NKAIN2: variants seen among roughly 807,000 people sequenced by gnomAD.
NKAIN2 encodes the protein sodium/potassium transporting ATPase interacting 2.
NKAIN2 carries 14 observed loss-of-function variants against 32.6 expected under a neutral mutation model. That is an observed-to-expected ratio of 0.43 (90% CI 0.28 to 0.67). The LOEUF is 0.67. Ranked by LOEUF, NKAIN2 falls within the 30% of genes least tolerant of loss-of-function variation. The pLI is 0.17. For synonymous variants in NKAIN2, 80 were observed against 87.2 expected, an observed-to-expected ratio of 0.92 and a Z score of 0.46; for missense variants, 198 against 258.3, an observed-to-expected ratio of 0.77 and a Z score of 1.60.
At chr6:124,571,733 G>A (rs969616278) in intron 3 of NKAIN2, among the ~76,000 whole-genome samples, 5 of 152,006 alleles carry the variant, frequency 3.3e-5, no homozygotes, top group African/African-American at 1.2e-4. Context: ...TTTTAGCCAC[G>A]CCTCTCCAGC....
At chr6:124,398,631 G>A (rs576008311) in intron 3 of NKAIN2, among the ~76,000 whole-genome samples, 28 of 152,304 alleles carry the variant, frequency 1.8e-4, no homozygotes, top group Non-Finnish European at 3.4e-4. Context: ...ACTACAGGTG[G>A]TATGAAGAAC....
chr6:124,045,500 G>A (rs1407386130), intron 1 of NKAIN2, among the ~76,000 whole-genome samples: 2 of 151,978 alleles, frequency 1.3e-5, no homozygotes, highest in African/African-American at 4.8e-5. Context: ...CACAAATGTG[G>A]TTGTAAATGC....
intron 3 of NKAIN2, among the ~76,000 whole-genome samples, chr6:124,385,514 G>A (rs564791636): frequency 2.0e-5 from 3 of 152,180 alleles, no homozygotes; most frequent in East Asian, 1.9e-4. Flanking sequence ...ATCTGGCCCC[G>A]ACTCACTGAA....
intron 3 of NKAIN2, among the ~76,000 whole-genome samples, chr6:124,628,172 T>C (rs1029343015): frequency 1.3e-5 from 2 of 152,206 alleles, no homozygotes; most frequent in Non-Finnish European, 2.9e-5. Context: ...CATCTCCTTC[T>C]ACTTAAATCT....
chr6:124,453,270 C>T (rs1446279638), intron 3 of NKAIN2, among the ~76,000 whole-genome samples: 3 of 149,452 alleles, frequency 2.0e-5, no homozygotes, highest in African/African-American at 7.5e-5. Flanking sequence ...TCATTCTTTT[C>T]CGGTGCCATT....
intron 4 of NKAIN2, among the ~76,000 whole-genome samples, chr6:124,748,347 A>G (rs1441533839): frequency 6.6e-6 from 1 of 152,000 alleles, no homozygotes; most frequent in African/African-American, 2.4e-5. Context: ...AAGTCAATGA[A>G]TAAGTGAAGC....
At chr6:123,973,673 G>T (rs1418700870) in intron 1 of NKAIN2, among the ~76,000 whole-genome samples, 2 of 151,984 alleles carry the variant, frequency 1.3e-5, no homozygotes, top group Non-Finnish European at 2.9e-5. Flanking sequence ...AAAAGTAACT[G>T]TAGTTTTGAC....
chr6:124,808,855 C>A (rs1316557190), intron 5 of NKAIN2, among the ~76,000 whole-genome samples: 6 of 152,118 alleles, frequency 3.9e-5, no homozygotes, highest in Non-Finnish European at 8.8e-5. Context: ...AACAGAGAGC[C>A]AAATCATGAG....
At chr6:124,281,456 A>G (rs1795292410) in intron 1 of NKAIN2, among the ~76,000 whole-genome samples, 1 of 152,240 alleles carries the variant, frequency 6.6e-6, no homozygotes, top group Non-Finnish European at 1.5e-5. Context: ...ATTCAGGTTT[A>G]TAAAGCTTAA....
At chr6:124,662,229 T>G (rs1583602314) in intron 4 of NKAIN2, among the ~76,000 whole-genome samples, 1 of 152,168 alleles carries the variant, frequency 6.6e-6, no homozygotes, top group African/African-American at 2.4e-5. Flanking sequence ...TATGCACATA[T>G]TATACTTTAC....
chr6:124,677,710 A>G (rs1368156443), intron 4 of NKAIN2, among the ~76,000 whole-genome samples: 1 of 152,026 alleles, frequency 6.6e-6, no homozygotes, highest in Non-Finnish European at 1.5e-5. Flanking sequence ...GTAATTTTGT[A>G]TTTTACTTCT....
intron 4 of NKAIN2, among the ~76,000 whole-genome samples, chr6:124,737,233 G>C (rs1391347808): frequency 1.3e-5 from 2 of 151,798 alleles, no homozygotes; most frequent in South Asian, 2.1e-4. Flanking sequence ...GATGCGGCGG[G>C]AGCTAATTGA....
chr6:124,616,843 GTGCTATGC>G (rs1428509377), intron 3 of NKAIN2, among the ~76,000 whole-genome samples: 1 of 151,936 alleles, frequency 6.6e-6, no homozygotes, highest in Non-Finnish European at 1.5e-5. Context: ...AGCACTGATA[GTGCTATGC>G]ATACATAGCT....
intron 3 of NKAIN2, among the ~76,000 whole-genome samples, chr6:124,488,589 C>T (rs1329960567): frequency 2.0e-5 from 3 of 151,964 alleles, no homozygotes; most frequent in Non-Finnish European, 4.4e-5. Context: ...AACTTGTAAG[C>T]AAAGCACAAT....
At chr6:124,043,811 A>G (rs1242426584) in intron 1 of NKAIN2, among the ~76,000 whole-genome samples, 1 of 152,070 alleles carries the variant, frequency 6.6e-6, no homozygotes, top group African/African-American at 2.4e-5. Flanking sequence ...ACTGAGGACT[A>G]AGAAGGAATG....
chr6:124,643,967 T>C (rs536095470), intron 3 of NKAIN2, among the ~76,000 whole-genome samples: 3 of 152,214 alleles, frequency 2.0e-5, no homozygotes, highest in South Asian at 4.1e-4. Context: ...TAGCTCTTTA[T>C]TGAAATTCTG....
rs1776211888 is a variant in NKAIN2 at position 124,725,190 on chromosome 6, C to T, written c.475-66149C>T. On this transcript the variant is annotated intron_variant, in intron 4 of 6. Transcript: ENST00000368417. ...TTCTCACTTCTCATGCCCTCTATCA[C>T]ACATACCCCACTCTTAAGTTACAAT... is the stretch of plus-strand genomic sequence containing the variant. Among the ~76,000 whole-genome samples the T allele has an allele frequency of 2.6e-5, 4 of 152,210 alleles. No individual in the cohort carries two copies. In the South Asian group the frequency reaches 8.3e-4, roughly 32 times the overall value.
chr6:124,283,175 T>C (rs765447165), intron 2 of NKAIN2, 33 bp downstream of exon 2: 11 of 1,520,594 alleles, frequency 7.2e-6, no homozygotes, highest in Non-Finnish European at 1.0e-5. Flanking sequence ...AAAAATCTTA[T>C]TGAACTAGAG....
chr6:123,932,178 G>A (rs1476764940), intron 1 of NKAIN2, among the ~76,000 whole-genome samples: 1 of 152,078 alleles, frequency 6.6e-6, no homozygotes, highest in Non-Finnish European at 1.5e-5. Context: ...CTAAGCTTTG[G>A]TAAGTGATTA....
Sources: gnomAD v4.1 joint callset for allele counts (sites outside exome capture counted in the v4.1 genomes callset) on GRCh38, gnomAD v4.1.1 for gene constraint, MANE v1.5 for transcripts, NCBI Gene and HGNC (gene_info 2026-07-23, HGNC 2026-07-21) for gene names.